Variants in SINHCAF observed in about 807,000 individuals in gnomAD.
SINHCAF encodes the protein SIN3-HDAC complex associated factor, also known as SIN3-HDAC complex-associated factor.
In SINHCAF, 3 loss-of-function variants were observed where a neutral mutation model predicts 25.8. The observed-to-expected ratio is 0.12, with a 90% confidence interval of 0.05 to 0.30. SINHCAF has a LOEUF of 0.30. Among genes scored for constraint, SINHCAF ranks in the 10% least tolerant of loss-of-function variants. SINHCAF has a pLI of 1.00. For missense variants in SINHCAF, 121 were observed against 262.3 expected, an observed-to-expected ratio of 0.46 and a Z score of 3.72; for synonymous variants, 70 against 85.5, an observed-to-expected ratio of 0.82 and a Z score of 1.00.
chr12:31,294,551 T>C (rs1938470781), intron 3 of SINHCAF, among the ~76,000 whole-genome samples: 1 of 152,148 alleles, frequency 6.6e-6, no homozygotes, highest in Admixed American at 6.5e-5. Context: ...AGCCCAGCCA[T>C]TGATCTCGCC....
At chr12:31,293,553 A>G (rs1379013750) in intron 4 of SINHCAF, among the ~76,000 whole-genome samples, 1 of 152,214 alleles carries the variant, frequency 6.6e-6, no homozygotes, top group Non-Finnish European at 1.5e-5. Context: ...AGATGTCAAT[A>G]AAGACATCAG....
intron 1 of SINHCAF, among the ~76,000 whole-genome samples, chr12:31,299,973 C>G (rs1489544736): frequency 6.6e-6 from 1 of 152,018 alleles, no homozygotes; most frequent in Non-Finnish European, 1.5e-5. Flanking sequence ...AGAAAAGGTA[C>G]AAAAAAATAT....
In SINHCAF at chr12:31,295,855, A is replaced by C. The variant is rs372605041; in HGVS notation, c.129-522T>G. On this transcript the variant is annotated intron_variant, in intron 2 of 5. Coordinates refer to ENST00000337682, the MANE Select transcript of SINHCAF (RefSeq NM_001135812.2). ...CCACTGCACTCCAGCCTGGGCAACA[A>C]GAGCGAGACTCCATCTCAAAAAAAA... is the stretch of plus-strand genomic sequence containing the variant. 4.0e-5 allele frequency among the ~76,000 whole-genome samples: 6 copies of C among 151,196 alleles called. No individual in the cohort carries two copies. The East Asian group carries it at 1.2e-3, about 30-fold the overall frequency.
chr12:31,298,379 A>C, intron 1 of SINHCAF, 155 bp from the exon 2 acceptor site: 1 of 719,064 alleles, frequency 1.4e-6, no homozygotes, highest in South Asian at 1.7e-5. Flanking sequence ...ATCGACCTCC[A>C]TTCTTGGCAC....
intron 1 of SINHCAF, chr12:31,311,590 C>G (rs1485732883): frequency 3.2e-6 from 1 of 313,126 alleles, no homozygotes; most frequent in Non-Finnish European, 6.1e-6. Flanking sequence ...GAGTGGGTCC[C>G]GCAGCCCCCT....
intron 1 of SINHCAF, among the ~76,000 whole-genome samples, chr12:31,299,062 T>G (rs1307520462): frequency 6.7e-6 from 1 of 149,474 alleles, no homozygotes; most frequent in Admixed American, 6.7e-5. Context: ...AATCTCAACG[T>G]CAAGGAAGGA....
Position 31,283,855 on chromosome 12 carries a change from TACACACAC to T in SINHCAF, c.507-992_507-985del, listed in dbSNP as rs57162055. Among the ~76,000 whole-genome samples the T allele has an allele frequency of 3.8e-3, 535 of 140,572 alleles. 8 individuals are homozygous for T. Among genetic ancestry groups the T allele is most frequent in the African/African-American group, 0.012 (472 of 38,088 alleles). 92.2% of individuals were successfully genotyped at this position (140,572 alleles called of 152,430 possible). A position where few individuals can be genotyped will look rare whatever the true frequency, so the allele number is the denominator to read the frequency against. On this transcript the variant is annotated intron_variant, in intron 5 of 5. Coordinates refer to ENST00000337682, the MANE Select transcript of SINHCAF (RefSeq NM_001135812.2). ...CTAATCATACTGCACAGTTATCCATTACACACACACACACACACACACACACACACACA... is the reference window on the plus strand; with the variant it reads ...CTAATCATACTGCACAGTTATCCATTACACACACACACACACACACACACA...
At chr12:31,308,232 G>A (rs755127231) in intron 1 of SINHCAF, among the ~76,000 whole-genome samples, 8 of 152,090 alleles carry the variant, frequency 5.3e-5, no homozygotes, top group East Asian at 1.9e-4. Context: ...GAACCACCGC[G>A]CCTGGCCTAC....
At chr12:31,303,111 C>A in intron 1 of SINHCAF, 1 of 985,322 alleles carries the variant, frequency 1.0e-6, no homozygotes, top group Non-Finnish European at 1.2e-6. Flanking sequence ...TTAAAACATG[C>A]CTATTTATGG....
chr12:31,298,372 G>A (rs570410487), intron 1 of SINHCAF, 148 bp from the exon 2 acceptor site: 3 of 774,724 alleles, frequency 3.9e-6, no homozygotes, highest in South Asian at 3.2e-5. Flanking sequence ...CTCCTGGATC[G>A]ACCTCCATTC....
intron 1 of SINHCAF, among the ~76,000 whole-genome samples, chr12:31,316,938 C>T (rs1050366067): frequency 8.5e-5 from 13 of 152,216 alleles, no homozygotes; most frequent in East Asian, 1.9e-4. Flanking sequence ...GTTCTTATTA[C>T]GATGAATTTA....
chr12:31,322,488 G>T (rs968641043), intron 1 of SINHCAF, among the ~76,000 whole-genome samples: 2 of 152,034 alleles, frequency 1.3e-5, no homozygotes, highest in Admixed American at 6.5e-5. Flanking sequence ...ATACAGAAAT[G>T]TACTAATATA....
intron 1 of SINHCAF, among the ~76,000 whole-genome samples, chr12:31,309,702 G>A (rs1440202026): frequency 2.3e-5 from 3 of 132,290 alleles, no homozygotes; most frequent in Non-Finnish European, 4.6e-5. Context: ...GTCTCACTCT[G>A]TCGCCCAGGC....
intron 1 of SINHCAF, among the ~76,000 whole-genome samples, chr12:31,322,768 T>G (rs535695268): frequency 6.6e-6 from 1 of 152,358 alleles, no homozygotes; most frequent in African/African-American, 2.4e-5. Flanking sequence ...TAATGATCAC[T>G]TAGATTCTAG....
chr12:31,325,204 C>G lies in SINHCAF; in HGVS notation c.-21+820G>C. The stretch of plus-strand genomic sequence containing the variant: ...GGAAGCCCTCGCGGTGTCGCCCACA[C>G]CTACGCTACAGGTGAACGCACCGGG... On this transcript the variant is annotated intron_variant, in intron 1 of 5. Coordinates refer to ENST00000337682, the MANE Select transcript of SINHCAF (RefSeq NM_001135812.2). This position sits in a 1 kb window ranked among gnomAD's most constrained non-coding sequence, Gnocchi z 5.9. 2.2e-6 allele frequency: 1 copy of G among 456,780 alleles called. No individual in the cohort carries two copies. The highest frequency in any genetic ancestry group is 1.5e-5 in the South Asian group (1 of 64,572). The allele number at this position is 456,780 out of a possible 1,614,324, so 28.3% of individuals were successfully genotyped here.
At chr12:31,297,282 C>T (rs1314460655) in intron 2 of SINHCAF, among the ~76,000 whole-genome samples, 1 of 151,880 alleles carries the variant, frequency 6.6e-6, no homozygotes, top group Non-Finnish European at 1.5e-5. Context: ...CAGCCTCCGA[C>T]GTAGCTAGGA....
Position 31,287,700 on chromosome 12 carries a change from G to A in SINHCAF, c.440C>T (p.Thr147Ile). Reference protein sequence around the residue: ...YSNQSDDGSDTEMASGSNRTP... With the variant: ...YSNQSDDGSDIEMASGSNRTP... ...TCTGTTAGAACCAGAAGCCATCTCT[G>A]TATCTGAGCCGTCATCTGACTGGTT... The change falls in exon 5 of 6, where the codon ACA becomes ATA. Residue 147 changes from threonine to isoleucine, a missense_variant. Physicochemically the swap from Thr to Ile is moderately conservative, Grantham distance 89 (BLOSUM62 -1). Coordinates refer to ENST00000337682, the MANE Select transcript of SINHCAF (RefSeq NM_001135812.2). 6.2e-7 allele frequency: 1 copy of A among 1,609,706 alleles called. No homozygotes were observed. Among genetic ancestry groups the A allele is most frequent in the Non-Finnish European group, 8.5e-7 (1 of 1,177,736 alleles).
chr12:31,300,935 C>G (rs1424313570), intron 1 of SINHCAF, among the ~76,000 whole-genome samples: 1 of 152,174 alleles, frequency 6.6e-6, no homozygotes, highest in African/African-American at 2.4e-5. Flanking sequence ...AAGGCCAGTT[C>G]ATTCCATTAA....
At chr12:31,304,624 G>A (rs1194925526) in intron 1 of SINHCAF, 3 of 152,206 alleles carry the variant, frequency 2.0e-5, no homozygotes, top group Non-Finnish European at 4.4e-5. Context: ...AATTTGGAAA[G>A]TGACATTTGG....
Sources: allele counts gnomAD v4.1 joint callset (sites outside exome capture counted in the v4.1 genomes callset), GRCh38; gene constraint gnomAD v4.1.1; non-coding constraint Gnocchi (gnomAD v3.1); transcripts MANE v1.5; gene names NCBI Gene and HGNC (gene_info 2026-07-23, HGNC 2026-07-21).